Variants in SIPA1L3 observed in about 807,000 individuals in gnomAD.
SIPA1L3 encodes the protein signal-induced proliferation-associated 1-like protein 3.
Under a neutral mutation model 150.1 loss-of-function variants are expected in SIPA1L3, and 59 were observed. That is an observed-to-expected ratio of 0.39 (90% CI 0.32 to 0.49). The LOEUF (loss-of-function observed/expected upper bound fraction) is 0.49, where lower values mean the gene tolerates loss of function less well. SIPA1L3 is among the 20% of genes least tolerant of loss of function. The probability of loss-of-function intolerance (pLI) is 0.86; values close to 1 mark genes in which losing one functional copy is unlikely to be tolerated. For missense variants in SIPA1L3, 2,211 were observed against 2,489.5 expected (o/e 0.89, Z 2.38); for synonymous variants, 1,070 against 1,077.6 (o/e 0.99, Z 0.14).
intron 1 of SIPA1L3, among the ~76,000 whole-genome samples, chr19:38,018,853 C>T (rs987320272): frequency 9.2e-5 from 14 of 152,148 alleles, no homozygotes; most frequent in Non-Finnish European, 2.9e-5. Context: ...GTTCACCGTA[C>T]CTAGCATCCT....
intron 1 of SIPA1L3, among the ~76,000 whole-genome samples, chr19:37,985,198 CTTTT>C (rs1043071375): frequency 1.4e-5 from 2 of 141,276 alleles, no homozygotes; most frequent in African/African-American, 2.6e-5. Flanking sequence ...TTGTTTTTTT[CTTTT>C]TTTTTTTTTT....
At chr19:37,971,868 G>A (rs1485512350) in intron 1 of SIPA1L3, among the ~76,000 whole-genome samples, 1 of 152,034 alleles carries the variant, frequency 6.6e-6, no homozygotes, top group Non-Finnish European at 1.5e-5. Context: ...CGCCCGGCCT[G>A]AGTGTCATGT....
intron 2 of SIPA1L3, among the ~76,000 whole-genome samples, chr19:38,040,027 C>T (rs559601225): frequency 1.3e-5 from 2 of 152,134 alleles, no homozygotes; most frequent in East Asian, 1.9e-4. Flanking sequence ...GTGGGAGGAT[C>T]GCTTGAGCCT....
intron 1 of SIPA1L3, among the ~76,000 whole-genome samples, chr19:37,962,711 C>G (rs1382796621): frequency 6.6e-6 from 1 of 151,924 alleles, no homozygotes; most frequent in Non-Finnish European, 1.5e-5. Context: ...AGGCTGGTCT[C>G]AGACTCCTGG....
intron 1 of SIPA1L3, among the ~76,000 whole-genome samples, chr19:37,991,882 G>C (rs1288617203): frequency 6.6e-6 from 1 of 152,218 alleles, no homozygotes; most frequent in African/African-American, 2.4e-5. Context: ...ACTGCAGGCA[G>C]CTGGGTTCGG....
chr19:38,037,204 T>C (rs1428402051), intron 2 of SIPA1L3, among the ~76,000 whole-genome samples: 2 of 152,184 alleles, frequency 1.3e-5, no homozygotes, highest in Non-Finnish European at 2.9e-5. Flanking sequence ...CACTAAGTGC[T>C]CTGGCAGAGG....
Position 38,138,907 on chromosome 19 carries a change from A to AC in SIPA1L3, c.3144-2277_3144-2276insC, listed in dbSNP as rs1971503389. On this transcript the variant is annotated intron_variant, in intron 10 of 21. Transcript: ENST00000222345. ...AACGAGACTCTATCTCAAAAAAAAA[A>AC]AAAAAAAACTGAGTGTGGTGGCTCA... is the stretch of plus-strand genomic sequence containing the variant. 1.2e-4 allele frequency among the ~76,000 whole-genome samples: 17 copies of AC among 143,602 alleles called. 1 individual carries two copies. In the South Asian group the frequency reaches 4.1e-3, roughly 34 times the overall value. 94.2% of individuals were successfully genotyped at this position (143,602 alleles called of 152,430 possible).
At chr19:38,099,530 C>T (rs1218721103) in intron 4 of SIPA1L3, among the ~76,000 whole-genome samples, 2 of 152,144 alleles carry the variant, frequency 1.3e-5, no homozygotes, top group Admixed American at 1.3e-4. Context: ...ATACTCCCTA[C>T]TGCCTTACAT....
chr19:37,969,880 A>G (rs1300988375), intron 1 of SIPA1L3, among the ~76,000 whole-genome samples: 2 of 152,148 alleles, frequency 1.3e-5, no homozygotes, highest in Non-Finnish European at 2.9e-5. Context: ...AAAGCTTCAT[A>G]GCAGTTATCA....
chr19:38,194,109 C>G (rs1347205081), intron 18 of SIPA1L3, among the ~76,000 whole-genome samples: 3 of 151,554 alleles, frequency 2.0e-5, no homozygotes, highest in Admixed American at 2.0e-4. Context: ...TGCCCTAGCA[C>G]CCCCCAACCC....
chr19:37,921,881 GCGTGA>G, intron 1 of SIPA1L3, among the ~76,000 whole-genome samples: 1 of 151,888 alleles, frequency 6.6e-6, no homozygotes, highest in East Asian at 1.9e-4. Flanking sequence ...GGGATCAAAG[GCGTGA>G]GCCACCATGC....
In SIPA1L3 at chr19:38,088,781, G is replaced by C. The variant is rs945974649; in HGVS notation, c.1595G>C (p.Arg532Pro). 1 of 1,613,986 alleles carries C rather than the reference G, an allele frequency of 6.2e-7. No homozygotes were observed. The highest frequency in any genetic ancestry group is 8.5e-7 in the Non-Finnish European group (1 of 1,180,002). Residue 532 changes from arginine (R) to proline (P), a missense_variant, in exon 4 of 22, where the codon CGG becomes CCG. Coordinates refer to ENST00000222345, the MANE Select transcript of SIPA1L3 (RefSeq NM_015073.3). Reference protein sequence around the residue: ...KLGPVAVSIKREKLEDHKEHG... With the variant: ...KLGPVAVSIKPEKLEDHKEHG... Reference sequence around the variant, plus strand: ...GGGCCAGTGGCTGTGAGCATTAAGCGGGAGAAGCTGGAAGACCACAAGGAG... The same window carrying C: ...GGGCCAGTGGCTGTGAGCATTAAGCCGGAGAAGCTGGAAGACCACAAGGAG...
intron 9 of SIPA1L3, among the ~76,000 whole-genome samples, chr19:38,129,896 G>T (rs1265728856): frequency 6.6e-6 from 1 of 151,994 alleles, no homozygotes; most frequent in African/African-American, 2.4e-5. Flanking sequence ...GCAAAACCCT[G>T]TCTCTACTAA....
At chr19:38,124,005 G>A (rs1390329057) in intron 9 of SIPA1L3, among the ~76,000 whole-genome samples, 3 of 148,254 alleles carry the variant, frequency 2.0e-5, no homozygotes, top group South Asian at 2.1e-4. Flanking sequence ...CGGACGGGGC[G>A]GATGGCCGGG....
At chr19:38,183,611 T>C (rs950275795) in intron 16 of SIPA1L3, among the ~76,000 whole-genome samples, 1 of 151,982 alleles carries the variant, frequency 6.6e-6, no homozygotes, top group Non-Finnish European at 1.5e-5. Context: ...GGGGGGCCCT[T>C]GAGTAAGGAA....
At chr19:37,987,029 G>A (rs1425865698) in intron 1 of SIPA1L3, among the ~76,000 whole-genome samples, 2 of 152,116 alleles carry the variant, frequency 1.3e-5, no homozygotes, top group Non-Finnish European at 2.9e-5. Context: ...CCAGGTTCAA[G>A]CAATTCTTGT....
intron 1 of SIPA1L3, among the ~76,000 whole-genome samples, chr19:37,991,604 C>T (rs529713386): frequency 3.3e-5 from 5 of 152,360 alleles, no homozygotes; most frequent in Admixed American, 6.5e-5. Flanking sequence ...GTTCAGTGGG[C>T]CCATTGTGCA....
At chr19:38,023,547 AT>A (rs1968426747) in intron 1 of SIPA1L3, among the ~76,000 whole-genome samples, 1 of 152,190 alleles carries the variant, frequency 6.6e-6, no homozygotes, top group African/African-American at 2.4e-5. Context: ...TCCCTAAGTC[AT>A]TATTTCAAAG....
intron 1 of SIPA1L3, among the ~76,000 whole-genome samples, chr19:37,989,250 T>C (rs1967438618): frequency 6.6e-6 from 1 of 152,136 alleles, no homozygotes; most frequent in African/African-American, 2.4e-5. Flanking sequence ...GACAAGATAT[T>C]GCTCTGTCAC....
Sources: allele counts gnomAD v4.1 joint callset (sites outside exome capture counted in the v4.1 genomes callset), GRCh38; gene constraint gnomAD v4.1.1; transcripts MANE v1.5; gene names NCBI Gene and HGNC (gene_info 2026-07-23, HGNC 2026-07-21).